RAB6A: variants seen among roughly 807,000 people sequenced by gnomAD.
RAB6A encodes the protein RAB6A, member RAS oncogene family, also known as ras-related protein Rab-6A.
Under a neutral mutation model 32.3 loss-of-function variants are expected in RAB6A, and 8 were observed. The ratio of observed to expected loss-of-function variants is 0.25; its 90% CI spans 0.15 to 0.45. The LOEUF is 0.45. Ranked by LOEUF, RAB6A falls within the 20% of genes least tolerant of loss-of-function variation. The pLI, the probability that RAB6A is intolerant of heterozygous loss-of-function variation, is 1.00. For missense variants in RAB6A, 104 were observed against 249.4 expected (o/e 0.42, Z 3.93); for synonymous variants, 73 against 82.1 (o/e 0.89, Z 0.60).
chr11:73,726,769 G>T (rs552546412), intron 2 of RAB6A, among the ~76,000 whole-genome samples: 4 of 149,930 alleles, frequency 2.7e-5, no homozygotes, highest in Non-Finnish European at 3.0e-5. Context: ...AAAATTAGAA[G>T]AAAAATTATT....
At chr11:73,734,741 T>C (rs1474897290) in intron 1 of RAB6A, among the ~76,000 whole-genome samples, 1 of 152,126 alleles carries the variant, frequency 6.6e-6, no homozygotes, top group Non-Finnish European at 1.5e-5. Context: ...GCCCACTGCT[T>C]ACCTCCTGCC....
At chr11:73,713,302 G>A (rs867997634) in intron 5 of RAB6A, among the ~76,000 whole-genome samples, 1 of 152,194 alleles carries the variant, frequency 6.6e-6, no homozygotes, top group Admixed American at 6.5e-5. Flanking sequence ...TGGGTGTGGT[G>A]GCTCACGCCT....
At chr11:73,692,502 C>CAAAAAAAA (rs34201129) in intron 6 of RAB6A, among the ~76,000 whole-genome samples, 1 of 56,436 alleles carries the variant, frequency 1.8e-5, no homozygotes, top group Non-Finnish European at 3.2e-5. Context: ...GACTCTGTCT[C>CAAAAAAAA]AAAAAAAAAA....
chr11:73,747,760 C>T (rs546793218), intron 1 of RAB6A, among the ~76,000 whole-genome samples: 2 of 152,218 alleles, frequency 1.3e-5, no homozygotes, highest in East Asian at 1.9e-4. Flanking sequence ...TCAAATAATA[C>T]TTGTCAGTTG....
At chr11:73,739,284 A>AAAAAAAAAAT (rs1208877325) in intron 1 of RAB6A, among the ~76,000 whole-genome samples, 1 of 6,754 alleles carries the variant, frequency 1.5e-4, no homozygotes, top group African/African-American at 3.3e-4. Context: ...AAAAAAAAAA[A>AAAAAAAAAAT]ATATATATAT....
At chr11:73,687,411 T>G (rs1945476529) in intron 6 of RAB6A, among the ~76,000 whole-genome samples, 1 of 152,212 alleles carries the variant, frequency 6.6e-6, no homozygotes, top group Non-Finnish European at 1.5e-5. Flanking sequence ...CACAAACTCT[T>G]GGGCTCAAGC....
chr11:73,717,006 T>TA (rs917935135), intron 4 of RAB6A, among the ~76,000 whole-genome samples: 1 of 151,486 alleles, frequency 6.6e-6, no homozygotes, highest in Non-Finnish European at 1.5e-5. Context: ...TTTGTGGATT[T>TA]AAAAAAAAAT....
At chr11:73,739,281 A>T (rs373579351) in intron 1 of RAB6A, among the ~76,000 whole-genome samples, 1 of 42,368 alleles carries the variant, frequency 2.4e-5, no homozygotes, top group African/African-American at 6.9e-5. Flanking sequence ...AAAAAAAAAA[A>T]AAAATATATA....
intron 1 of RAB6A, chr11:73,760,038 C>T (rs1022536330): frequency 2.3e-6 from 3 of 1,289,128 alleles, no homozygotes; most frequent in Non-Finnish European, 3.0e-6. Context: ...CTACTACCAC[C>T]CCTTCCCACC....
intron 6 of RAB6A, among the ~76,000 whole-genome samples, chr11:73,680,462 C>T (rs1230061509): frequency 2.6e-5 from 4 of 151,702 alleles, no homozygotes; most frequent in Non-Finnish European, 5.9e-5. Flanking sequence ...CAAGACCAGC[C>T]TGGACATGGT....
intron 1 of RAB6A, among the ~76,000 whole-genome samples, chr11:73,749,221 C>T (rs758867510): frequency 1.1e-4 from 16 of 152,098 alleles, no homozygotes; most frequent in Non-Finnish European, 2.1e-4. Flanking sequence ...GCAACTTGGA[C>T]GGAGTTGGAG....
intron 6 of RAB6A, among the ~76,000 whole-genome samples, chr11:73,705,885 C>T (rs1348067802): frequency 1.3e-5 from 2 of 151,686 alleles, no homozygotes; most frequent in Admixed American, 6.6e-5. Flanking sequence ...TCAGGTGTCA[C>T]AGACAGGAGG....
At position 73,679,209 on chromosome 11, in the gene RAB6A, C is replaced by A. The variant is rs1321557367; in HGVS notation, c.562+445G>T. On this transcript the variant is annotated intron_variant, in intron 7 of 7. Transcript: ENST00000336083. ...ATTAACTAATATTAGATGTCCCAATCCTTGGAAATGAACTAATATTATGTC... is the reference window on the plus strand; with the variant it reads ...ATTAACTAATATTAGATGTCCCAATACTTGGAAATGAACTAATATTATGTC... Among the ~76,000 whole-genome samples, 3 of 152,152 alleles carry A rather than the reference C, an allele frequency of 2.0e-5. No individual in the cohort carries two copies. In the East Asian group the frequency reaches 5.8e-4, roughly 29 times the overall value.
intron 1 of RAB6A, among the ~76,000 whole-genome samples, chr11:73,731,956 G>A (rs11235882): frequency 0.1 from 15,621 of 150,722 alleles, 902 homozygotes; most frequent in South Asian, 0.27. Flanking sequence ...GGCCAGGATG[G>A]TCTTGATCTC....
At chr11:73,683,817 T>C (rs1191353276) in intron 6 of RAB6A, among the ~76,000 whole-genome samples, 1 of 152,068 alleles carries the variant, frequency 6.6e-6, no homozygotes, top group African/African-American at 2.4e-5. Flanking sequence ...CCTCCCAAAG[T>C]GCTGAGATTA....
chr11:73,677,714 C>T lies in RAB6A; in HGVS notation c.*184G>A. 1 of 1,393,960 alleles carries T rather than the reference C, an allele frequency of 7.2e-7. No homozygotes were observed. The highest frequency in any genetic ancestry group is 9.6e-7 in the Non-Finnish European group (1 of 1,043,552). The allele number at this position is 1,393,960 out of a possible 1,614,324, so 86.3% of individuals were successfully genotyped here. On this transcript the variant is annotated 3_prime_UTR_variant, in exon 8 of 8. Coordinates refer to ENST00000336083, the MANE Select transcript of RAB6A (RefSeq NM_198896.2). The stretch of plus-strand genomic sequence containing the variant: ...TTTTGTAAAATATAAATAATGAAGA[C>T]ACTGACTTTTGTTGTGCTTGTGAAG...
At chr11:73,724,564 C>T (rs941111996) in intron 2 of RAB6A, among the ~76,000 whole-genome samples, 1 of 151,522 alleles carries the variant, frequency 6.6e-6, no homozygotes, top group African/African-American at 2.4e-5. Flanking sequence ...CAGCTCACCG[C>T]AACCTCCGCC....
chr11:73,675,849 T>C lies in RAB6A; in HGVS notation c.*2049A>G, dbSNP rs918337806. ...CAGTGTAGGAAGACAATCACACCCA[T>C]GTCAGAAGTCACAACTTCTTCCAAA... On this transcript the variant is annotated 3_prime_UTR_variant, in exon 8 of 8. Transcript: ENST00000336083. The C allele has an allele frequency of 1.2e-5, 2 of 167,088 alleles. No individual in the cohort carries two copies. The highest frequency in any genetic ancestry group is 2.4e-5 in the African/African-American group (1 of 41,462). The allele number at this position is 167,088 out of a possible 1,614,324, so 10.4% of individuals were successfully genotyped here. A position where few individuals can be genotyped will look rare whatever the true frequency, so the allele number is the denominator to read the frequency against.
Position 73,677,643 on chromosome 11 carries a change from T to A in RAB6A, c.*255A>T. Reference sequence around the variant, plus strand: ...AAGAAAAAAATGTTAAGAAAATGTATCTAATTTTTAAAGTTATCACTGGAA... The same window carrying A: ...AAGAAAAAAATGTTAAGAAAATGTAACTAATTTTTAAAGTTATCACTGGAA... On this transcript the variant is annotated 3_prime_UTR_variant, in exon 8 of 8. Transcript: ENST00000336083. 1.1e-6 allele frequency: 1 copy of A among 892,406 alleles called. No individual in the cohort carries two copies. The highest frequency in any genetic ancestry group is 1.7e-6 in the Non-Finnish European group (1 of 597,964). The allele number at this position is 892,406 out of a possible 1,614,324, so 55.3% of individuals were successfully genotyped here.
Sources: gnomAD v4.1 joint callset for allele counts (sites outside exome capture counted in the v4.1 genomes callset) on GRCh38, gnomAD v4.1.1 for gene constraint, MANE v1.5 for transcripts, NCBI Gene and HGNC (gene_info 2026-07-23, HGNC 2026-07-21) for gene names.